The following LAMP3 variants were observed in gnomAD, a reference collection of about 807,000 sequenced individuals.
LAMP3 encodes the protein lysosome-associated membrane glycoprotein 3.
Under a neutral mutation model 34.8 loss-of-function variants are expected in LAMP3, and 26 were observed. That is an observed-to-expected ratio of 0.75 (90% CI 0.55 to 1.04). The LOEUF (loss-of-function observed/expected upper bound fraction) is 1.04, where lower values mean the gene tolerates loss of function less well. Among genes scored for constraint, LAMP3 ranks in the 50% least tolerant of loss-of-function variants. LAMP3 has a pLI of 0.00. For missense variants in LAMP3, 495 were observed against 524.0 expected, an observed-to-expected ratio of 0.94 and a Z score of 0.54; for synonymous variants, 180 against 201.9, an observed-to-expected ratio of 0.89 and a Z score of 0.92.
At chr3:183,127,204 A>G (rs1719801129) in intron 5 of LAMP3, among the ~76,000 whole-genome samples, 1 of 152,098 alleles carries the variant, frequency 6.6e-6, no homozygotes, top group African/African-American at 2.4e-5. Context: ...GTGCGATCAT[A>G]GCTCACTGAA....
chr3:183,153,618 T>C, intron 2 of LAMP3, 64 bp downstream of exon 2: 3 of 1,186,278 alleles, frequency 2.5e-6, no homozygotes, highest in Non-Finnish European at 3.6e-6. Flanking sequence ...TGCTCATTCC[T>C]AGCAAGGCAA....
At chr3:183,142,786 A>G (rs1720324437) in intron 3 of LAMP3, among the ~76,000 whole-genome samples, 1 of 152,156 alleles carries the variant, frequency 6.6e-6, no homozygotes, top group South Asian at 2.1e-4. Context: ...GGGGCTTAGT[A>G]AAAAATGAAA....
In LAMP3 at chr3:183,135,824, A is replaced by G. The variant is rs761425642; in HGVS notation, c.1010T>C (p.Phe337Ser). The change falls in exon 5 of 6, where the codon TTC becomes TCC. Residue 337 changes from phenylalanine (F) to serine (S), a missense_variant. Transcript: ENST00000265598. ...GAGGCTCTGTTCACTCACGCACTTG[A>G]AGGAATGCCCGACTGCTGTCTGGAA... ...VMFQTAVGHS[F>S]KCVSEQSLQL... The G allele has an allele frequency of 3.7e-6, 6 of 1,613,842 alleles. No homozygotes were observed. Among genetic ancestry groups the G allele is most frequent in the Middle Eastern group, 1.6e-4 (1 of 6,062 alleles).
intron 3 of LAMP3, among the ~76,000 whole-genome samples, chr3:183,149,118 T>C (rs534869676): frequency 2.0e-5 from 3 of 152,248 alleles, no homozygotes; most frequent in African/African-American, 7.2e-5. Flanking sequence ...ACCTTCTCAC[T>C]TATTTGTGGA....
At chr3:183,150,902 C>T (rs1421131089) in intron 3 of LAMP3, among the ~76,000 whole-genome samples, 1 of 152,074 alleles carries the variant, frequency 6.6e-6, no homozygotes, top group Non-Finnish European at 1.5e-5. Context: ...GTTACTCTAC[C>T]CTGAATGTCT....
intron 4 of LAMP3, among the ~76,000 whole-genome samples, chr3:183,136,293 G>C (rs1263157127): frequency 2.6e-5 from 4 of 152,160 alleles, no homozygotes; most frequent in African/African-American, 7.2e-5. Context: ...TAATGAATCA[G>C]TGAAGGGACA....
chr3:183,127,992 T>C (rs773639952), intron 5 of LAMP3, among the ~76,000 whole-genome samples: 3 of 151,232 alleles, frequency 2.0e-5, no homozygotes, highest in Admixed American at 2.0e-4. Context: ...TAAAATAAAA[T>C]AAAAAAATAA....
At chr3:183,143,098 G>A (rs562825612) in intron 3 of LAMP3, among the ~76,000 whole-genome samples, 1 of 152,236 alleles carries the variant, frequency 6.6e-6, no homozygotes, top group South Asian at 2.1e-4. Flanking sequence ...ACATTGACTA[G>A]GACTAAGCTG....
chr3:183,124,299 T>A, intron 5 of LAMP3, 85 bp from the exon 6 acceptor site: 1 of 1,229,410 alleles, frequency 8.1e-7, no homozygotes, highest in Non-Finnish European at 1.1e-6. Context: ...GAAGATGAGC[T>A]TTGGCATCAA....
intron 4 of LAMP3, among the ~76,000 whole-genome samples, chr3:183,136,456 A>T (rs1720092416): frequency 6.6e-6 from 1 of 152,000 alleles, no homozygotes; most frequent in African/African-American, 2.4e-5. Context: ...GTTCGAGACC[A>T]GCCTGACCAA....
chr3:183,139,721 AGT>A, intron 4 of LAMP3, among the ~76,000 whole-genome samples: 1 of 152,314 alleles, frequency 6.6e-6, no homozygotes, highest in East Asian at 1.9e-4. Context: ...AACCATGAAA[AGT>A]GAAACCGCGA....
upstream of LAMP3, among the ~76,000 whole-genome samples, chr3:183,163,301 T>C (rs1331612424): frequency 8.7e-6 from 1 of 115,488 alleles, no homozygotes; most frequent in African/African-American, 3.1e-5. Context: ...TTTTGTTTTG[T>C]TTTGTTTTGT....
intron 3 of LAMP3, among the ~76,000 whole-genome samples, chr3:183,141,162 A>T (rs577182897): frequency 6.6e-6 from 1 of 152,280 alleles, no homozygotes; most frequent in East Asian, 1.9e-4. Context: ...ATGGCTTTAC[A>T]CAGATTAATG....
rs754179119 is a variant in LAMP3, at chr3:183,140,562, C to T, written c.922G>A (p.Ala308Thr). ...EESYYISEVG[A>T]YLTVSDPETI... ...CCTGGATCTGAGACGGTCAAATAGG[C>T]TCCCACTTCACTGATATAATATGAT... is the stretch of plus-strand genomic sequence containing the variant. Residue 308 changes from alanine (A) to threonine (T), a missense_variant, in exon 4 of 6, where the codon GCC becomes ACC. Transcript: ENST00000265598. 18 of 1,605,642 alleles carry T rather than the reference C, an allele frequency of 1.1e-5. No individual in the cohort carries two copies. The highest frequency in any genetic ancestry group is 6.7e-5 in the African/African-American group (5 of 74,648).
At chr3:183,134,071 T>C (rs983852644) in intron 5 of LAMP3, among the ~76,000 whole-genome samples, 2 of 152,182 alleles carry the variant, frequency 1.3e-5, no homozygotes, top group African/African-American at 4.8e-5. Flanking sequence ...TACTCTCTAG[T>C]AGAAAATCCT....
chr3:183,160,003 A>G (rs1720930932), intron 1 of LAMP3, among the ~76,000 whole-genome samples: 1 of 152,176 alleles, frequency 6.6e-6, no homozygotes, highest in South Asian at 2.1e-4. Flanking sequence ...TCACATACCT[A>G]TATGTCGGAT....
At chr3:183,126,561 T>TGTGC (rs1553873878) in intron 5 of LAMP3, among the ~76,000 whole-genome samples, 4 of 147,540 alleles carry the variant, frequency 2.7e-5, no homozygotes, top group Admixed American at 6.7e-5. Flanking sequence ...TGTGTGTGTG[T>TGTGC]GTGCACACGT....
intron 5 of LAMP3, among the ~76,000 whole-genome samples, chr3:183,126,673 A>G (rs1403786193): frequency 6.6e-6 from 1 of 152,198 alleles, no homozygotes; most frequent in Non-Finnish European, 1.5e-5. Context: ...AAAAAGCACA[A>G]ACAAAAAAGT....
chr3:183,151,340 T>G (rs1720624075), intron 3 of LAMP3, among the ~76,000 whole-genome samples: 1 of 151,940 alleles, frequency 6.6e-6, no homozygotes, highest in Non-Finnish European at 1.5e-5. Context: ...CCCTCTGGTC[T>G]GCAAGACATT....
Sources: gnomAD v4.1 joint callset for allele counts (sites outside exome capture counted in the v4.1 genomes callset) on GRCh38, gnomAD v4.1.1 for gene constraint, MANE v1.5 for transcripts, NCBI Gene and HGNC (gene_info 2026-07-23, HGNC 2026-07-21) for gene names.